Variants in ZNF592 observed in about 807,000 individuals in gnomAD.
ZNF592 encodes spinocerebellar ataxia, autosomal recessive 5.
Under a neutral mutation model 80.3 loss-of-function variants are expected in ZNF592, and 11 were observed. That is an observed-to-expected ratio of 0.14 (90% CI 0.09 to 0.23). The LOEUF is 0.23. ZNF592 is among the 10% of genes least tolerant of loss of function. The pLI is 1.00. For missense variants in ZNF592, 1,420 were observed against 1,633.9 expected, an observed-to-expected ratio of 0.87 and a Z score of 2.26; for synonymous variants, 646 against 640.3, an observed-to-expected ratio of 1.01 and a Z score of -0.13.
intron 4 of ZNF592, among the ~76,000 whole-genome samples, chr15:84,788,925 T>C (rs1403403903): frequency 6.6e-6 from 1 of 152,030 alleles, no homozygotes; most frequent in Non-Finnish European, 1.5e-5. Flanking sequence ...TCTCCTTCTT[T>C]TTTGGCCGGG....
chr15:84,771,454 A>G (rs1302588779), intron 2 of ZNF592, among the ~76,000 whole-genome samples: 1 of 152,098 alleles, frequency 6.6e-6, no homozygotes, highest in Non-Finnish European at 1.5e-5. Context: ...GGCACGAGAA[A>G]GTGTGAGAGA....
At chr15:84,795,956 T>C (rs999642186) in intron 5 of ZNF592, among the ~76,000 whole-genome samples, 1 of 151,958 alleles carries the variant, frequency 6.6e-6, no homozygotes, top group Non-Finnish European at 1.5e-5. Context: ...TGAAAATGTA[T>C]CACGCCTGTA....
intron 1 of ZNF592, among the ~76,000 whole-genome samples, chr15:84,760,817 G>T (rs11854313): frequency 5.9e-5 from 9 of 152,028 alleles, no homozygotes; most frequent in Admixed American, 3.3e-4. Flanking sequence ...TACTGGTGCT[G>T]TTCAGCAGGG....
At chr15:84,766,706 AGTGTGT>A (rs10667788) in intron 2 of ZNF592, among the ~76,000 whole-genome samples, 67 of 140,250 alleles carry the variant, frequency 4.8e-4, no homozygotes, top group African/African-American at 1.3e-3. Flanking sequence ...GATGAGAAAG[AGTGTGT>A]GTGTGTGTGT....
At chr15:84,789,119 G>A (rs550372669) in intron 4 of ZNF592, among the ~76,000 whole-genome samples, 3 of 151,684 alleles carry the variant, frequency 2.0e-5, no homozygotes, top group Admixed American at 6.6e-5. Flanking sequence ...GTAGTGGTGC[G>A]TGCCTATAAT....
At chr15:84,789,412 T>C (rs1328405807) in intron 4 of ZNF592, among the ~76,000 whole-genome samples, 1 of 152,362 alleles carries the variant, frequency 6.6e-6, no homozygotes, top group Non-Finnish European at 1.5e-5. Context: ...AGTGTATCTC[T>C]TTGAGACCTT....
At chr15:84,762,884 G>A (rs1899392800) in intron 1 of ZNF592, among the ~76,000 whole-genome samples, 1 of 152,160 alleles carries the variant, frequency 6.6e-6, no homozygotes, top group South Asian at 2.1e-4. Flanking sequence ...CTTTGGCTCC[G>A]ATAGTCCTGA....
rs1963224092 is a variant in ZNF592 at position 84,805,856 on chromosome 15, A to C, written c.*3463A>C. On this transcript the variant is annotated 3_prime_UTR_variant, in exon 11 of 11. Transcript: ENST00000560079. Reference sequence around the variant, plus strand: ...GAGGTCAGCCTCTAGTCCCCTCTCCAGAGTTAATCACTGTTATCTATATGT... The same window carrying C: ...GAGGTCAGCCTCTAGTCCCCTCTCCCGAGTTAATCACTGTTATCTATATGT... The C allele has an allele frequency of 6.6e-6, 1 of 152,656 alleles. No individual in the cohort carries two copies. The highest frequency in any genetic ancestry group is 1.5e-5 in the Non-Finnish European group (1 of 68,042). The allele number at this position is 152,656 out of a possible 1,614,324, so 9.5% of individuals were successfully genotyped here.
rs747106925 is a variant in ZNF592, at chr15:84,784,078, G to A, written c.1403G>A (p.Arg468Gln). ...TCTCCCAGCTGCAGTTCTGGGCCCC[G>A]GGTCCCAAAGGGGGCTGCCCCAGGC... The part of the protein sequence containing the change: ...SSSPSCSSGP[R>Q]VPKGAAPGSQ... Residue 468 changes from arginine to glutamine, a missense_variant, in exon 4 of 11, where the codon CGG becomes CAG. Arg to Gln is a conservative substitution (Grantham distance 43). Transcript: ENST00000560079. The surrounding 1 kb of genome is among the most constrained non-coding windows in gnomAD (Gnocchi z 5.8). The A allele has an allele frequency of 1.4e-5, 23 of 1,613,878 alleles. No individual in the cohort carries two copies. The highest frequency in any genetic ancestry group is 1.8e-5 in the Non-Finnish European group (21 of 1,179,832).
At chr15:84,774,978 G>A (rs1164098219) in intron 2 of ZNF592, among the ~76,000 whole-genome samples, 1 of 151,948 alleles carries the variant, frequency 6.6e-6, no homozygotes, top group Non-Finnish European at 1.5e-5. Flanking sequence ...ACAGGGTTTT[G>A]CCATGTTGGT....
intron 5 of ZNF592, among the ~76,000 whole-genome samples, chr15:84,792,836 A>AC (rs1962787405): frequency 6.6e-6 from 1 of 152,052 alleles, no homozygotes; most frequent in African/African-American, 2.4e-5. Flanking sequence ...AACAAGACAA[A>AC]CCTAAGACAG....
intron 4 of ZNF592, 125 bp from the exon 5 acceptor site, chr15:84,790,580 G>T: frequency 1.0e-6 from 1 of 954,748 alleles, no homozygotes; most frequent in South Asian, 1.3e-5. Flanking sequence ...CAGGAGAGTT[G>T]GAAGAGAGAG....
chr15:84,786,147 T>TG (rs1188187900), intron 4 of ZNF592, among the ~76,000 whole-genome samples: 3 of 152,166 alleles, frequency 2.0e-5, no homozygotes, highest in Non-Finnish European at 2.9e-5. Flanking sequence ...GTGCATGGGC[T>TG]GGGGGTCTAT....
At position 84,796,270 on chromosome 15, in the gene ZNF592, TATATATATATATATATATATATATAA is replaced by T. The variant is rs1246412147; in HGVS notation, c.2400-1597_2400-1572del. On this transcript the variant is annotated intron_variant, in intron 5 of 10. Coordinates refer to ENST00000560079, the MANE Select transcript of ZNF592 (RefSeq NM_014630.3). ...TATATATATATATATATATATTTTA[TATATATATATATATATATATATATAA>T]AAAAACGAAGGGTAACATTCAGGAG... Among the ~76,000 whole-genome samples, 98 of 34,790 alleles carry T rather than the reference TATATATATATATATATATATATATAA, an allele frequency of 2.8e-3. 7 individuals carry two copies. Among genetic ancestry groups the T allele is most frequent in the African/African-American group, 8.6e-3 (55 of 6,416 alleles). The allele number at this position is 34,790 out of a possible 152,430, so 22.8% of individuals were successfully genotyped here. A position where few individuals can be genotyped will look rare whatever the true frequency, so the allele number is the denominator to read the frequency against.
intron 4 of ZNF592, among the ~76,000 whole-genome samples, chr15:84,785,883 C>T (rs551530969): frequency 1.3e-5 from 2 of 151,718 alleles, no homozygotes; most frequent in South Asian, 4.2e-4. Flanking sequence ...AAAAAAAAGC[C>T]TTCTGCGCTG....
chr15:84,754,332 T>G (rs1899100155), intron 1 of ZNF592: 1 of 152,012 alleles, frequency 6.6e-6, no homozygotes. Context: ...GAGGATGAGG[T>G]GGGCGGATCA....
chr15:84,765,535 GTTT>G lies in ZNF592; in HGVS notation c.-150+740_-150+742del, dbSNP rs71453265. Among the ~76,000 whole-genome samples the G allele has an allele frequency of 1.1e-3, 104 of 92,288 alleles. 1 individual carries two copies. Among genetic ancestry groups the G allele is most frequent in the African/African-American group, 4.2e-3 (99 of 23,712 alleles). The allele number at this position is 92,288 out of a possible 152,430, so 60.5% of individuals were successfully genotyped here. ...ATCCTCACTAGCACTTGTTATTATTGTTTTTTTTTTTTTTTTTTTTTTGAGACA... is the reference window on the plus strand; with the variant it reads ...ATCCTCACTAGCACTTGTTATTATTGTTTTTTTTTTTTTTTTTTTGAGACA... On this transcript the variant is annotated intron_variant, in intron 2 of 10. Transcript: ENST00000560079.
chr15:84,785,216 A>T (rs765459104), intron 4 of ZNF592, among the ~76,000 whole-genome samples: 8 of 152,160 alleles, frequency 5.3e-5, no homozygotes, highest in Non-Finnish European at 2.9e-5. Flanking sequence ...GGTCTCTGGC[A>T]GGTGTCAGCA....
rs946790879 is a variant in ZNF592, at chr15:84,804,016, T to C, written c.*1623T>C. Reference sequence around the variant, plus strand: ...ATAAATATGCCTGACCTTTTCACAGTTGAAAAAATACATTTTTTCCCCTCT... The same window carrying C: ...ATAAATATGCCTGACCTTTTCACAGCTGAAAAAATACATTTTTTCCCCTCT... On this transcript the variant is annotated 3_prime_UTR_variant, in exon 11 of 11. Transcript: ENST00000560079. 1.3e-5 allele frequency: 2 copies of C among 152,020 alleles called. No homozygotes were observed. Among genetic ancestry groups the C allele is most frequent in the Admixed American group, 6.6e-5 (1 of 15,260 alleles). The allele number at this position is 152,020 out of a possible 1,614,324, so 9.4% of individuals were successfully genotyped here. A position where few individuals can be genotyped will look rare whatever the true frequency, so the allele number is the denominator to read the frequency against.
Sources: gnomAD v4.1 joint callset for allele counts (sites outside exome capture counted in the v4.1 genomes callset) on GRCh38, gnomAD v4.1.1 for gene constraint, Gnocchi (gnomAD v3.1) non-coding constraint, MANE v1.5 for transcripts, NCBI Gene and HGNC (gene_info 2026-07-23, HGNC 2026-07-21) for gene names.